Variants in TTN observed in about 807,000 individuals in gnomAD.
The protein encoded by TTN is titin.
A neutral mutation model predicts 3,223.0 loss-of-function variants in TTN; 1,525 were observed. That is an observed-to-expected ratio of 0.47 (90% CI 0.45 to 0.49). The LOEUF (loss-of-function observed/expected upper bound fraction) is 0.49. Among genes scored for constraint, TTN ranks in the 20% least tolerant of loss-of-function variants. The probability of loss-of-function intolerance (pLI) is 0.00; values close to 1 mark genes in which losing one functional copy is unlikely to be tolerated. For synonymous variants in TTN, 14,094 were observed against 15,161.0 expected (o/e 0.93, Z 5.17); for missense variants, 40,786 against 43,424.0 (o/e 0.94, Z 5.40).
Position 178,583,880 on chromosome 2 carries a change from C to T in TTN, c.65302G>A (p.Asp21768Asn). ...AGAGATACAGTACTCTTGGTGACAT[C>T]AATAACCTCAGGTTTCCCAGGAGGA... ...VDPPGKPEVIDVTKSTVSLIW... is the reference protein window; with the variant it reads ...VDPPGKPEVINVTKSTVSLIW... Residue 21768 changes from aspartate (D) to asparagine (N), a missense_variant, in exon 312 of 363, where the codon GAT becomes AAT. Transcript: ENST00000589042. 6.3e-7 allele frequency: 1 copy of T among 1,591,034 alleles called. No individual in the cohort carries two copies.
Position 178,675,946 on chromosome 2 carries a change from C to G in TTN, c.34428G>C (p.Lys11476Asn). ...CTTTGGCAGGGGGAGCCTCCTCTTT[C>G]TTGGGAATGACCACTTTCTTCTCTG... ...KVTEKKVVIP[K>N]KEEAPPAKVS... Residue 11476 changes from lysine (K) to asparagine (N), a missense_variant, in exon 148 of 363, where the codon AAG becomes AAC. By Grantham distance (94) the Lys-to-Asn change is moderately conservative (BLOSUM62 0). Coordinates refer to ENST00000589042, the MANE Select transcript of TTN (RefSeq NM_001267550.2). The G allele has an allele frequency of 6.2e-7, 1 of 1,608,252 alleles. No homozygotes were observed. Among genetic ancestry groups the G allele is most frequent in the Non-Finnish European group, 8.5e-7 (1 of 1,176,914 alleles).
At chr2:178,787,891 A>C (rs1163545346) in intron 13 of TTN, among the ~76,000 whole-genome samples, 1 of 152,076 alleles carries the variant, frequency 6.6e-6, no homozygotes, top group Non-Finnish European at 1.5e-5. Flanking sequence ...TTTGTAACCT[A>C]GAGAAGCAGG....
intron 198 of TTN, 27 bp from the exon 199 acceptor site, chr2:178,653,151 T>C: frequency 6.2e-7 from 1 of 1,605,998 alleles, no homozygotes; most frequent in Non-Finnish European, 8.5e-7. Flanking sequence ...TAAAATTACA[T>C]TTAGGGGTTA....
chr2:178,715,052 C>T lies in TTN; in HGVS notation c.26134G>A (p.Glu8712Lys). The T allele has an allele frequency of 6.2e-7, 1 of 1,613,598 alleles. No homozygotes were observed. The highest frequency in any genetic ancestry group is 1.1e-5 in the South Asian group (1 of 91,036). Reference sequence around the variant, plus strand: ...TCATTTGTGGCTTTACACTGATATTCCCCAATGTCTGCAGCATCGACATTC... The same window carrying T: ...TCATTTGTGGCTTTACACTGATATTTCCCAATGTCTGCAGCATCGACATTC... ...ILNVDAADIGEYQCKATNDVG... is the reference protein window; with the variant it reads ...ILNVDAADIGKYQCKATNDVG... Residue 8712 changes from glutamate to lysine, a missense_variant, in exon 90 of 363, where the codon GAA becomes AAA. By Grantham distance (56) the Glu-to-Lys change is moderately conservative. Transcript: ENST00000589042.
Position 178,776,758 on chromosome 2 carries a change from T to C in TTN, c.5106A>G (p.Lys1702=), listed in dbSNP as rs1223225845. Residue 1702 remains lysine (K), a synonymous_variant, in exon 28 of 363, where the codon AAA becomes AAG. Coordinates refer to ENST00000589042, the MANE Select transcript of TTN (RefSeq NM_001267550.2). ...AAGTGAGTTTTTTCTTGAAAAATGG[T>C]TTCTGTTGTTTCTCTTTGTCATAGA... ...GDLYDKEKQQ[K]PFFKKKLTSL... The C allele has an allele frequency of 1.2e-6, 2 of 1,613,962 alleles. No individual in the cohort carries two copies. Among genetic ancestry groups the C allele is most frequent in the Non-Finnish European group, 1.7e-6 (2 of 1,180,014 alleles).
At chr2:178,734,635 T>C in intron 51 of TTN, 29 bp from the exon 52 acceptor site, 1 of 1,561,242 alleles carries the variant, frequency 6.4e-7, no homozygotes, top group South Asian at 1.2e-5. Flanking sequence ...ATTGTGTAAG[T>C]AATGGGTAAT....
chr2:178,612,919 A>G lies in TTN; in HGVS notation c.49802T>C (p.Val16601Ala). 1.2e-6 allele frequency: 2 copies of G among 1,612,532 alleles called. No individual in the cohort carries two copies. Among genetic ancestry groups the G allele is most frequent in the Non-Finnish European group, 1.7e-6 (2 of 1,179,210 alleles). ...LKTGTDEWVR[V>A]AEGVPTTQHL... ...CTGAGTGGTGGGAACCCCTTCCGCC[A>G]CTCTGACCCACTCATCTGTTCCAGT... is the stretch of plus-strand genomic sequence containing the variant. The change falls in exon 265 of 363, where the codon GTG (valine) becomes GCG (alanine). Residue 16601 changes from valine (V) to alanine (A), a missense_variant. By Grantham distance (64) the Val-to-Ala change is moderately conservative. Coordinates refer to ENST00000589042, the MANE Select transcript of TTN (RefSeq NM_001267550.2).
At chr2:178,640,717 T>C (rs1005246332) in intron 220 of TTN, 87 bp from the exon 221 acceptor site, 9 of 1,105,506 alleles carry the variant, frequency 8.1e-6, no homozygotes, top group Admixed American at 7.8e-5. Flanking sequence ...TTTCAAAAAC[T>C]CTATGGATGG....
At position 178,624,637 on chromosome 2, in the gene TTN, A is replaced by G; in HGVS notation, c.44643T>C (p.Ala14881=). 1.2e-6 allele frequency: 2 copies of G among 1,612,570 alleles called. No homozygotes were observed. The change falls in exon 242 of 363, where the codon GCT becomes GCC. Residue 14881 remains alanine (A), a synonymous_variant. Coordinates refer to ENST00000589042, the MANE Select transcript of TTN (RefSeq NM_001267550.2). ...VLECEVSREN[A]KVKWFKNGTE... ...TCCCATTTTTGAACCATTTCACCTT[A>G]GCATTTTCTCTGGAGACTTCACACT...
At position 178,535,565 on chromosome 2, in the gene TTN, G is replaced by T. The variant is rs775824162; in HGVS notation, c.101050C>A (p.Leu33684Met). 9 of 1,613,880 alleles carry T rather than the reference G, an allele frequency of 5.6e-6. No individual in the cohort carries two copies. Among genetic ancestry groups the T allele is most frequent in the Non-Finnish European group, 6.8e-6 (8 of 1,179,810 alleles). The change falls in exon 358 of 363, where the codon CTG becomes ATG. Residue 33684 changes from leucine to methionine, a missense_variant. Transcript: ENST00000589042. The stretch of plus-strand genomic sequence containing the variant: ...GGGTCAGGAACATCAGCCACATCCA[G>T]TTCAACTGTCTTCTGATCAATTCCA... ...RFGIDQKTVE[L>M]DVADVPDPPR...
chr2:178,578,941 C>G lies in TTN; in HGVS notation c.68089G>C (p.Ala22697Pro). ...ACTCTAAAGGTGGTTTTCTGGACAG[C>G]TGAGGCGCACGTCACCCACTTGTTG... ...VNNKWVTCASAVQKTTFRVTR... is the reference protein window; with the variant it reads ...VNNKWVTCASPVQKTTFRVTR... The change falls in exon 320 of 363, where the codon GCT becomes CCT. Residue 22697 changes from alanine to proline, a missense_variant. Coordinates refer to ENST00000589042, the MANE Select transcript of TTN (RefSeq NM_001267550.2). The G allele has an allele frequency of 1.2e-6, 2 of 1,613,300 alleles. No individual in the cohort carries two copies. The highest frequency in any genetic ancestry group is 1.7e-6 in the Non-Finnish European group (2 of 1,179,514).
intron 46 of TTN, among the ~76,000 whole-genome samples, chr2:178,754,418 A>T (rs1332874185): frequency 1.3e-5 from 2 of 152,190 alleles, no homozygotes; most frequent in Non-Finnish European, 2.9e-5. Context: ...TTTTGCTTCA[A>T]GAACACTTTA....
In TTN at chr2:178,730,369, G is replaced by A; in HGVS notation, c.18031C>T (p.Pro6011Ser). 6.4e-7 allele frequency: 1 copy of A among 1,574,746 alleles called. No individual in the cohort carries two copies. The highest frequency in any genetic ancestry group is 2.3e-5 in the East Asian group (1 of 44,204). ...QCSGHLTVKE[P>S]PYFVEKPQSQ... Reference sequence around the variant, plus strand: ...TGTGGCTTTTCCACAAAGTAAGGGGGTTCTGAGGTGAAAGAAAAAACAAGC... The same window carrying A: ...TGTGGCTTTTCCACAAAGTAAGGGGATTCTGAGGTGAAAGAAAAAACAAGC... Residue 6011 changes from proline to serine, a missense_variant and splice_region_variant, in exon 62 of 363, where the codon CCC (proline) becomes TCC (serine). Coordinates refer to ENST00000589042, the MANE Select transcript of TTN (RefSeq NM_001267550.2).
At chr2:178,767,410 C>G (rs185233052) in intron 40 of TTN, among the ~76,000 whole-genome samples, 260 of 152,350 alleles carry the variant, frequency 1.7e-3, no homozygotes, top group African/African-American at 6.1e-3. Context: ...GAAAATATCA[C>G]CTTGTTCTAA....
intron 264 of TTN, 23 bp from the exon 265 acceptor site, chr2:178,613,095 T>A (rs768057242): frequency 6.2e-7 from 1 of 1,611,962 alleles, no homozygotes; most frequent in East Asian, 2.2e-5. Context: ...GAAATCATTG[T>A]TTAGGTTTGT....
Position 178,615,788 on chromosome 2 carries a change from C to T in TTN, c.48313G>A (p.Val16105Ile). ...REVSRKTWTKVMDFVTDLEFT... is the reference protein window; with the variant it reads ...REVSRKTWTKIMDFVTDLEFT... ...TCTAGATCAGTCACAAAGTCCATAACCTGGGACAAAGAAATACAGTTAATC... is the reference window on the plus strand; with the variant it reads ...TCTAGATCAGTCACAAAGTCCATAATCTGGGACAAAGAAATACAGTTAATC... Residue 16105 changes from valine (V) to isoleucine (I), a missense_variant and splice_region_variant, in exon 258 of 363, where the codon GTT becomes ATT. Val to Ile is a conservative substitution (Grantham distance 29). Transcript: ENST00000589042. 2 of 1,606,664 alleles carry T rather than the reference C, an allele frequency of 1.2e-6. No homozygotes were observed. The highest frequency in any genetic ancestry group is 1.7e-6 in the Non-Finnish European group (2 of 1,177,224).
chr2:178,806,407 A>G (rs1163315544), intron 1 of TTN, among the ~76,000 whole-genome samples: 1 of 152,240 alleles, frequency 6.6e-6, no homozygotes, highest in Non-Finnish European at 1.5e-5. Flanking sequence ...TGTATTTAGA[A>G]GTAAGAAACC....
In TTN at chr2:178,777,179, A is replaced by C. The variant is rs1012905833; in HGVS notation, c.4784T>G (p.Ile1595Ser). The change falls in exon 27 of 363, where the codon ATC (isoleucine) becomes AGC (serine). Residue 1595 changes from isoleucine (I) to serine (S), a missense_variant. Physicochemically the swap from Ile to Ser is moderately radical, Grantham distance 142. Transcript: ENST00000589042. ...PDIVWLKNSD[I>S]IVPHKYPKIR... ...TTTGGGATATTTATGAGGCACAATGATGTCACTGTTTTTCAACCATACAAT... is the reference window on the plus strand; with the variant it reads ...TTTGGGATATTTATGAGGCACAATGCTGTCACTGTTTTTCAACCATACAAT... 1.3e-5 allele frequency: 21 copies of C among 1,613,972 alleles called. No individual in the cohort carries two copies. The highest frequency in any genetic ancestry group is 1.7e-5 in the Non-Finnish European group (20 of 1,179,996).
Position 178,565,526 on chromosome 2 carries a change from A to G in TTN, c.80606T>C (p.Val26869Ala). The change falls in exon 326 of 363, where the codon GTT (valine) becomes GCT (alanine). Residue 26869 changes from valine to alanine, a missense_variant. Coordinates refer to ENST00000589042, the MANE Select transcript of TTN (RefSeq NM_001267550.2). ...KGKSDPRVLG[V>A]PVIAKDLTIQ... Reference sequence around the variant, plus strand: ...AGTCAAGTCCTTGGCTATGACAGGAACACCCAACACTCTTGGATCGCTTTT... The same window carrying G: ...AGTCAAGTCCTTGGCTATGACAGGAGCACCCAACACTCTTGGATCGCTTTT... 5 of 1,613,552 alleles carry G rather than the reference A, an allele frequency of 3.1e-6. No homozygotes were observed. Among genetic ancestry groups the G allele is most frequent in the Non-Finnish European group, 4.2e-6 (5 of 1,179,614 alleles).
Sources: allele counts gnomAD v4.1 joint callset (sites outside exome capture counted in the v4.1 genomes callset), GRCh38; gene constraint gnomAD v4.1.1; transcripts MANE v1.5; gene names NCBI Gene and HGNC (gene_info 2026-07-23, HGNC 2026-07-21).